Variants in UBAP2 observed in about 807,000 individuals in gnomAD.
The protein encoded by UBAP2 is ubiquitin-associated protein 2.
Under a neutral mutation model 139.6 loss-of-function variants are expected in UBAP2, and 75 were observed. The observed-to-expected ratio is 0.54, with a 90% CI of 0.45 to 0.65. The LOEUF (loss-of-function observed/expected upper bound fraction) is 0.65. UBAP2 is among the 30% of genes least tolerant of loss of function. The pLI is 0.00. For missense variants in UBAP2, 1,368 were observed against 1,369.6 expected (o/e 1.00, Z 0.02); for synonymous variants, 526 against 526.2 (o/e 1.00, Z 0.01).
intron 2 of UBAP2, among the ~76,000 whole-genome samples, chr9:34,001,944 TTGGTATTTATATTTTTTCATTAAAA>T (rs1822741118): frequency 6.6e-6 from 1 of 151,756 alleles, no homozygotes; most frequent in South Asian, 2.1e-4. Context: ...ATTTATGTAT[TTGGTATTTATATTTTTTCATTAAAA>T]AAAAAAAACA....
intron 2 of UBAP2, 59 bp downstream of exon 2, chr9:34,016,991 A>T: frequency 8.1e-7 from 1 of 1,241,218 alleles, no homozygotes; most frequent in Non-Finnish European, 1.1e-6. Flanking sequence ...CTAAAACTTC[A>T]AGTATAATAA....
intron 1 of UBAP2, among the ~76,000 whole-genome samples, chr9:34,026,233 T>G (rs1760821): frequency 0.81 from 123,053 of 152,260 alleles, 49,856 homozygotes; most frequent in Middle Eastern, 0.87. Flanking sequence ...AACTACATAC[T>G]TACACTGCAT....
intron 1 of UBAP2, among the ~76,000 whole-genome samples, chr9:34,031,503 C>T (rs1267572860): frequency 2.0e-5 from 3 of 151,924 alleles, no homozygotes; most frequent in Admixed American, 1.3e-4. Context: ...AGACAGGTTT[C>T]GACATGTTGG....
At position 34,006,183 on chromosome 9, in the gene UBAP2, G is replaced by A. The variant is rs535910453; in HGVS notation, c.100-7319C>T. 4.0e-5 allele frequency among the ~76,000 whole-genome samples: 6 copies of A among 150,672 alleles called. No individual in the cohort carries two copies. In the South Asian group the frequency reaches 8.4e-4, roughly 21 times the overall value. The stretch of plus-strand genomic sequence containing the variant: ...GGGAGGCCAGAGGTTGCAGTGAGCC[G>A]AGATCGCACCATTGCACTCCAGCCT... On this transcript the variant is annotated intron_variant, in intron 2 of 28. Transcript: ENST00000379238.
chr9:33,997,737 C>T (rs1822321813), intron 3 of UBAP2: 1 of 152,218 alleles, frequency 6.6e-6, no homozygotes, highest in South Asian at 2.1e-4. Flanking sequence ...AATCTCTGAA[C>T]TCCTGGGCCA....
rs111301806 is a variant in UBAP2, at chr9:33,998,549, T to A, written c.177+238A>T. ...AGAAATGTCTGGTTCAATGTTCACA[T>A]GTAAACACTAGTAACTCAGAAAGAT... On this transcript the variant is annotated intron_variant, in intron 3 of 28. Transcript: ENST00000379238. 2.5e-5 allele frequency: 11 copies of A among 432,282 alleles called. No homozygotes were observed. The East Asian group carries it at 4.3e-4, about 17-fold the overall frequency. The allele number at this position is 432,282 out of a possible 1,614,324, so 26.8% of individuals were successfully genotyped here. A position where few individuals can be genotyped will look rare whatever the true frequency, so the allele number is the denominator to read the frequency against.
intron 13 of UBAP2, among the ~76,000 whole-genome samples, chr9:33,947,026 A>C (rs983967384): frequency 6.6e-6 from 1 of 152,180 alleles, no homozygotes; most frequent in African/African-American, 2.4e-5. Flanking sequence ...ATGTCTGTAT[A>C]AACAATGTGG....
chr9:34,010,700 CAGAAAA>C (rs1823685105), intron 2 of UBAP2, among the ~76,000 whole-genome samples: 1 of 151,994 alleles, frequency 6.6e-6, no homozygotes, highest in Non-Finnish European at 1.5e-5. Flanking sequence ...TTTTGGCAGA[CAGAAAA>C]GGAGTACAGG....
chr9:33,929,422 T>C (rs1451810067), intron 19 of UBAP2, among the ~76,000 whole-genome samples: 1 of 152,096 alleles, frequency 6.6e-6, no homozygotes, highest in Non-Finnish European at 1.5e-5. Context: ...TCAACACTAA[T>C]TTTCAAGGCT....
At chr9:34,000,882 A>G (rs1822641410) in intron 2 of UBAP2, among the ~76,000 whole-genome samples, 1 of 152,230 alleles carries the variant, frequency 6.6e-6, no homozygotes, top group African/African-American at 2.4e-5. Context: ...AACTGCTGCA[A>G]TACTGCTACA....
At chr9:33,986,672 C>G (rs1447725013) in intron 6 of UBAP2, 88 bp downstream of exon 6, 3 of 1,057,852 alleles carry the variant, frequency 2.8e-6, no homozygotes, top group Non-Finnish European at 4.4e-6. Flanking sequence ...TCAGAACACA[C>G]TGCCATCCCT....
At chr9:33,930,043 A>T (rs908830492) in intron 19 of UBAP2, among the ~76,000 whole-genome samples, 6 of 152,100 alleles carry the variant, frequency 3.9e-5, no homozygotes, top group African/African-American at 1.4e-4. Flanking sequence ...AATAAAAATT[A>T]AAAACTCACA....
intron 13 of UBAP2, among the ~76,000 whole-genome samples, chr9:33,948,055 G>C (rs1825794002): frequency 6.7e-6 from 1 of 149,938 alleles, no homozygotes. Flanking sequence ...TCTTCTAAGA[G>C]AGCTCAGAAA....
chr9:33,935,633 T>G (rs1183051718), intron 17 of UBAP2: 2 of 624,302 alleles, frequency 3.2e-6, no homozygotes, highest in East Asian at 2.8e-5. Context: ...CAGAAGAATA[T>G]GAGACCACCA....
Position 33,922,855 on chromosome 9 carries a change from A to G in UBAP2, c.3096T>C (p.His1032=), listed in dbSNP as rs1224219702. The change falls in exon 28 of 29, where the codon CAT becomes CAC. Residue 1032 remains histidine (H), a synonymous_variant. Transcript: ENST00000379238. ...KTQTFDKQGF[H]AGTPPPFSLP... is the part of the protein sequence containing the mutation. ...GGCTGAAAGGTGGAGGCGTCCCTGC[A>G]TGAAATCCCTGCTTGTCAAAAGTCT... 3.1e-6 allele frequency: 5 copies of G among 1,589,250 alleles called. No homozygotes were observed. The highest frequency in any genetic ancestry group is 8.6e-7 in the Non-Finnish European group (1 of 1,165,462).
Position 34,048,851 on chromosome 9 carries a change from C to T in UBAP2, c.-68G>A, listed in dbSNP as rs1287020037. 6.6e-6 allele frequency: 1 copy of T among 152,440 alleles called. No individual in the cohort carries two copies. The highest frequency in any genetic ancestry group is 1.5e-5 in the Non-Finnish European group (1 of 68,260). 9.4% of individuals were successfully genotyped at this position (152,440 alleles called of 1,614,324 possible). A position where few individuals can be genotyped will look rare whatever the true frequency, so the allele number is the denominator to read the frequency against. On this transcript the variant is annotated 5_prime_UTR_variant, in exon 1 of 29. Coordinates refer to ENST00000379238, the MANE Select transcript of UBAP2 (RefSeq NM_001370062.2). ...GCTGCTGCTCTCGGAGGACCCAAGA[C>T]CCGCTGCCGCCGCCGCCGCTCGTTA...
chr9:34,030,381 G>A (rs55660804), intron 1 of UBAP2, among the ~76,000 whole-genome samples: 18,450 of 150,776 alleles, frequency 0.12, 1,684 homozygotes, highest in East Asian at 0.47. Context: ...CCCGGAAGGC[G>A]GAGGTTGCAG....
chr9:34,016,446 G>C (rs1389055895), intron 2 of UBAP2, among the ~76,000 whole-genome samples: 2 of 151,518 alleles, frequency 1.3e-5, no homozygotes, highest in Non-Finnish European at 2.9e-5. Flanking sequence ...GAGGTACCTG[G>C]AAAAGGTTAG....
At chr9:34,025,996 A>C (rs929838637) in intron 1 of UBAP2, among the ~76,000 whole-genome samples, 9 of 152,206 alleles carry the variant, frequency 5.9e-5, no homozygotes, top group Admixed American at 1.3e-4. Context: ...ACAACCACCA[A>C]CATTTCTGTT....
Sources: gnomAD v4.1 joint callset for allele counts (sites outside exome capture counted in the v4.1 genomes callset) on GRCh38, gnomAD v4.1.1 for gene constraint, MANE v1.5 for transcripts, NCBI Gene and HGNC (gene_info 2026-07-23, HGNC 2026-07-21) for gene names.